UNC5CL: variants seen among roughly 807,000 people sequenced by gnomAD.
The protein encoded by UNC5CL is UNC5C-like protein.
A neutral mutation model predicts 54.1 loss-of-function variants in UNC5CL; 42 were observed. The observed-to-expected ratio is 0.78, with a 90% CI of 0.61 to 1.00. The LOEUF (loss-of-function observed/expected upper bound fraction) is 1.00. Ranked by LOEUF, UNC5CL falls within the 50% of genes least tolerant of loss-of-function variation. The pLI is 0.00. For missense variants in UNC5CL, 619 were observed against 675.6 expected (o/e 0.92, Z 0.93); for synonymous variants, 285 against 285.1 (o/e 1.00, Z 0.00).
At chr6:41,030,888 C>T (rs1007335961) in intron 6 of UNC5CL, 133 bp from the exon 7 acceptor site, 34 of 745,306 alleles carry the variant, frequency 4.6e-5, no homozygotes, top group Non-Finnish European at 6.7e-5. Flanking sequence ...CCAGGAGATA[C>T]AACCCTGCTC....
At position 41,027,094 on chromosome 6, in the gene UNC5CL, T is replaced by C. The variant is rs772872771; in HGVS notation, c.*1279A>G. ...CCATTCATGTCTTTTGTATACAGTA[T>C]CAAACACATAGTAGGTGCTGAATAA... On this transcript the variant is annotated 3_prime_UTR_variant, in exon 9 of 9. Coordinates refer to ENST00000244565, the MANE Select transcript of UNC5CL (RefSeq NM_173561.3). 6.6e-6 allele frequency: 1 copy of C among 152,206 alleles called. No homozygotes were observed. Among genetic ancestry groups the C allele is most frequent in the Non-Finnish European group, 1.5e-5 (1 of 68,028 alleles). The allele number at this position is 152,206 out of a possible 1,614,324, so 9.4% of individuals were successfully genotyped here.
chr6:41,032,525 G>A (rs575239016), intron 4 of UNC5CL, among the ~76,000 whole-genome samples: 3 of 152,146 alleles, frequency 2.0e-5, no homozygotes, highest in South Asian at 4.1e-4. Flanking sequence ...TTCAGAGGCC[G>A]AGACGGGTAG....
In UNC5CL at chr6:41,029,589, T is replaced by G. The variant is rs1762430033; in HGVS notation, c.1334+799A>C. Among the ~76,000 whole-genome samples, 2 of 152,260 alleles carry G rather than the reference T, an allele frequency of 1.3e-5. No individual in the cohort carries two copies. Among genetic ancestry groups the G allele is most frequent in the Non-Finnish European group, 1.5e-5 (1 of 68,050 alleles). ...CAGTTTCCAGGGCATAATAGGTACT[T>G]GATAAATGTTTAAATGAATGATTTA... On this transcript the variant is annotated intron_variant, in intron 8 of 8. Transcript: ENST00000244565. This position sits in a 1 kb window ranked among gnomAD's most constrained non-coding sequence, Gnocchi z 4.1.
At chr6:41,033,262 AG>A in intron 3 of UNC5CL, 116 bp from the exon 4 acceptor site, 1 of 1,301,078 alleles carries the variant, frequency 7.7e-7, no homozygotes, top group East Asian at 2.5e-5. Flanking sequence ...GGAGGTTCAG[AG>A]AACACTCGAG....
intron 4 of UNC5CL, 130 bp from the exon 5 acceptor site, chr6:41,032,267 C>A: frequency 1.3e-6 from 1 of 749,172 alleles, no homozygotes; most frequent in Non-Finnish European, 2.2e-6. Flanking sequence ...TCCCCAGAGC[C>A]TGGGCTGGGA....
chr6:41,031,860 G>A (rs1762456720), intron 5 of UNC5CL, 112 bp from the exon 6 acceptor site: 1 of 1,298,540 alleles, frequency 7.7e-7, no homozygotes, highest in East Asian at 2.3e-5. Context: ...GGAAGCTGGG[G>A]TCCAACACTC....
In UNC5CL at chr6:41,028,581, TGGCA is replaced by T; in HGVS notation, c.1345_1348del (p.Cys449SerfsTer26). On this transcript the variant is annotated frameshift_variant, in exon 9 of 9. Transcript: ENST00000244565. LOFTEE classifies it high-confidence loss of function. This position sits in a 1 kb window ranked among gnomAD's most constrained non-coding sequence, Gnocchi z 4.3. ...CAGGATGGCCGCTGCGGGGCTGCGC[TGGCA>T]GGACAGGAACCTGGCCCGAGGTAGG... 5 of 1,613,308 alleles carry T rather than the reference TGGCA, an allele frequency of 3.1e-6. No homozygotes were observed. Among genetic ancestry groups the T allele is most frequent in the Non-Finnish European group, 4.2e-6 (5 of 1,179,926 alleles).
At position 41,032,016 on chromosome 6, in the gene UNC5CL, A is replaced by G. The variant is rs1438187569; in HGVS notation, c.1051+20T>C. On this transcript the variant is annotated intron_variant, in intron 5 of 8. Transcript: ENST00000244565. Reference sequence around the variant, plus strand: ...TGGGAAAAGAGAGGGGAGGAGGTACACACAGGGCTCCCGGACTACCTGCTT... The same window carrying G: ...TGGGAAAAGAGAGGGGAGGAGGTACGCACAGGGCTCCCGGACTACCTGCTT... 1.2e-6 allele frequency: 2 copies of G among 1,611,778 alleles called. No individual in the cohort carries two copies. Among genetic ancestry groups the G allele is most frequent in the Non-Finnish European group, 1.7e-6 (2 of 1,178,114 alleles).
chr6:41,038,833 T>C (rs1400919238), intron 1 of UNC5CL, among the ~76,000 whole-genome samples: 1 of 152,124 alleles, frequency 6.6e-6, no homozygotes, highest in Non-Finnish European at 1.5e-5. Context: ...TCTCAACCTT[T>C]CCTCCACCTC....
Position 41,028,387 on chromosome 6 carries a change from C to T in UNC5CL, c.1543G>A (p.Asp515Asn). 6.3e-7 allele frequency: 1 copy of T among 1,589,932 alleles called. No individual in the cohort carries two copies. Among genetic ancestry groups the T allele is most frequent in the Non-Finnish European group, 8.6e-7 (1 of 1,168,264 alleles). Residue 515 changes from aspartate (D) to asparagine (N), a missense_variant, in exon 9 of 9, where the codon GAC (aspartate) becomes AAC (asparagine). Physicochemically the swap from Asp to Asn is conservative, Grantham distance 23 (BLOSUM62 1). Transcript: ENST00000244565. This position sits in a 1 kb window ranked among gnomAD's most constrained non-coding sequence, Gnocchi z 4.3. ...CCGCTGGGCGCTCAGAGCTTCTCGTCCAGCTCCAGGCCCTGGTTATCCCGG... is the reference window on the plus strand; with the variant it reads ...CCGCTGGGCGCTCAGAGCTTCTCGTTCAGCTCCAGGCCCTGGTTATCCCGG... ...GARDNQGLEL[D>N]EKL
At chr6:41,030,806 CT>C in intron 6 of UNC5CL, 51 bp from the exon 7 acceptor site, 1 of 1,560,868 alleles carries the variant, frequency 6.4e-7, no homozygotes, top group Non-Finnish European at 8.8e-7. Context: ...AGCCATCCCC[CT>C]GAGTAAGAAG....
Position 41,034,119 on chromosome 6 carries a change from C to T in UNC5CL, c.448G>A (p.Ala150Thr), listed in dbSNP as rs1382266595. 4.3e-6 allele frequency: 7 copies of T among 1,613,854 alleles called. No individual in the cohort carries two copies. The highest frequency in any genetic ancestry group is 2.7e-5 in the African/African-American group (2 of 74,932). ...SLILVWDLSD[A>T]PSLSQAQGLV... The stretch of plus-strand genomic sequence containing the variant: ...CCCTGGGCTTGGGACAGCGATGGGG[C>T]GTCCGACAGGTCCCACACCAGGATC... Residue 150 changes from alanine to threonine, a missense_variant, in exon 3 of 9, where the codon GCC becomes ACC. Coordinates refer to ENST00000244565, the MANE Select transcript of UNC5CL (RefSeq NM_173561.3).
At chr6:41,033,694 G>A in intron 3 of UNC5CL, 187 bp downstream of exon 3, 1 of 649,664 alleles carries the variant, frequency 1.5e-6, no homozygotes, top group Non-Finnish European at 2.6e-6. Context: ...TCATGGACAT[G>A]ATTGATGTGA....
At chr6:41,031,372 G>C (rs990135753) in intron 6 of UNC5CL, among the ~76,000 whole-genome samples, 3 of 152,182 alleles carry the variant, frequency 2.0e-5, no homozygotes, top group African/African-American at 7.2e-5. Context: ...TAGACAATCA[G>C]CCTAGAAAGA....
At chr6:41,030,303 T>C in intron 8 of UNC5CL, 85 bp downstream of exon 8, 1 of 1,317,550 alleles carries the variant, frequency 7.6e-7, no homozygotes, top group South Asian at 1.2e-5. Flanking sequence ...CTCCCTTGCC[T>C]GTGATCCAGT....
Position 41,026,971 on chromosome 6 carries a change from T to C in UNC5CL, c.*1402A>G, listed in dbSNP as rs1327933400. The C allele has an allele frequency of 1.3e-5, 2 of 152,254 alleles. No individual in the cohort carries two copies. The highest frequency in any genetic ancestry group is 1.3e-4 in the Admixed American group (2 of 15,286). 9.4% of individuals were successfully genotyped at this position (152,254 alleles called of 1,614,324 possible). A position where few individuals can be genotyped will look rare whatever the true frequency, so the allele number is the denominator to read the frequency against. ...GAAGAAAATTGTGTTGCCAGAGAGA[T>C]TGTTTGCCTGCCTTTGAACAAATTA... On this transcript the variant is annotated 3_prime_UTR_variant, in exon 9 of 9. Transcript: ENST00000244565.
In UNC5CL at chr6:41,032,911, A is replaced by G. The variant is rs1237854272; in HGVS notation, c.922T>C (p.Cys308Arg). The G allele has an allele frequency of 3.7e-6, 6 of 1,605,344 alleles. No homozygotes were observed. In the Admixed American group the frequency reaches 6.8e-5, roughly 18 times the overall value. ...TCTGAGATGTACGTGAGCTTCAGGC[A>G]CTGGTCGCCCCTAGCCCCATTGAAG... ...FDFNGARGDQ[C>R]LKLTYISEGW... is the part of the protein sequence containing the mutation. Residue 308 changes from cysteine (C) to arginine (R), a missense_variant, in exon 4 of 9, where the codon TGC becomes CGC. Physicochemically the swap from Cys to Arg is radical, Grantham distance 180. Transcript: ENST00000244565.
At position 41,028,817 on chromosome 6, in the gene UNC5CL, A is replaced by G. The variant is rs1024019101; in HGVS notation, c.1335-222T>C. 6.6e-6 allele frequency among the ~76,000 whole-genome samples: 1 copy of G among 151,412 alleles called. No individual in the cohort carries two copies. On this transcript the variant is annotated intron_variant, in intron 8 of 8. Transcript: ENST00000244565. This position sits in a 1 kb window ranked among gnomAD's most constrained non-coding sequence, Gnocchi z 4.3. ...GGCTTGGAGGCCAACTCTGACCCCT[A>G]CTCCTCTCTAGGCTTCAGTTTCCTC...
rs1229194044 is a variant in UNC5CL, at chr6:41,035,021, C to T, written c.54G>A (p.Gly18=). The part of the protein sequence containing the change: ...FQPSQFLLLV[G]VPVASVLLLA... ...GAAGGAGGACACTTGCCACTGGGAC[C>T]CCCACCAGCAGTAGGAACTGGGAGG... Residue 18 remains glycine, a synonymous_variant, in exon 2 of 9, where the codon GGG becomes GGA. Coordinates refer to ENST00000244565, the MANE Select transcript of UNC5CL (RefSeq NM_173561.3). 1 of 1,600,072 alleles carries T rather than the reference C, an allele frequency of 6.2e-7. No individual in the cohort carries two copies. The highest frequency in any genetic ancestry group is 8.6e-7 in the Non-Finnish European group (1 of 1,169,438).
Sources: gnomAD v4.1 joint callset for allele counts (sites outside exome capture counted in the v4.1 genomes callset) on GRCh38, gnomAD v4.1.1 for gene constraint, Gnocchi (gnomAD v3.1) non-coding constraint, MANE v1.5 for transcripts, NCBI Gene and HGNC (gene_info 2026-07-23, HGNC 2026-07-21) for gene names.